The following COL14A1 variants were observed in gnomAD, a reference collection of about 807,000 sequenced individuals.
COL14A1 encodes the protein collagen alpha-1(XIV) chain.
A neutral mutation model predicts 230.3 loss-of-function variants in COL14A1; 136 were observed. The ratio of observed to expected loss-of-function variants is 0.59; its 90% CI spans 0.51 to 0.68. The LOEUF is 0.68. COL14A1 is among the 30% of genes least tolerant of loss of function. The probability of loss-of-function intolerance (pLI) is 0.00; values close to 1 mark genes in which losing one functional copy is unlikely to be tolerated. For missense variants in COL14A1, 1,976 were observed against 2,215.8 expected (o/e 0.89, Z 2.17); for synonymous variants, 792 against 784.1 (o/e 1.01, Z -0.17).
chr8:120,180,701 CTTTTTTTTT>C (rs34377563), intron 5 of COL14A1, among the ~76,000 whole-genome samples: 1 of 83,538 alleles, frequency 1.2e-5, no homozygotes, highest in Non-Finnish European at 2.1e-5. Context: ...GGTAGGAAGC[CTTTTTTTTT>C]TTTTTTTTTT....
intron 17 of COL14A1, 124 bp downstream of exon 17, chr8:120,227,476 G>T (rs749955940): frequency 2.5e-6 from 3 of 1,218,160 alleles, no homozygotes; most frequent in Admixed American, 2.3e-5. Flanking sequence ...TTGTCCCCCA[G>T]AATTCTTCAT....
intron 36 of COL14A1, among the ~76,000 whole-genome samples, chr8:120,308,249 T>TG (rs1185595663): frequency 6.6e-6 from 1 of 152,258 alleles, no homozygotes; most frequent in African/African-American, 2.4e-5. Context: ...CCCAAAGTGC[T>TG]GGGATTACAG....
chr8:120,283,814 A>G, intron 32 of COL14A1, 36 bp downstream of exon 32: 1 of 1,561,768 alleles, frequency 6.4e-7, no homozygotes, highest in Non-Finnish European at 8.7e-7. Flanking sequence ...TCACATATAC[A>G]TGTATGAGTA....
chr8:120,162,071 A>C (rs1303690063), intron 3 of COL14A1, among the ~76,000 whole-genome samples: 2 of 152,246 alleles, frequency 1.3e-5, no homozygotes, highest in Non-Finnish European at 2.9e-5. Flanking sequence ...ATATAAAAGC[A>C]GTAGTGTGTT....
chr8:120,332,804 A>G (rs1821917694), intron 42 of COL14A1, 69 bp downstream of exon 42: 1 of 1,274,468 alleles, frequency 7.8e-7, no homozygotes, highest in South Asian at 1.3e-5. Context: ...GTTTAAATTT[A>G]CCAGCCTTTC....
chr8:120,332,849 T>C, intron 42 of COL14A1, 114 bp downstream of exon 42: 1 of 736,794 alleles, frequency 1.4e-6, no homozygotes, highest in Non-Finnish European at 2.1e-6. Flanking sequence ...CACTGGACTC[T>C]ATGGAAATTC....
In COL14A1 at chr8:120,202,989, AATAT is replaced by A. The variant is rs201356550; in HGVS notation, c.878-691_878-688del. Among the ~76,000 whole-genome samples the A allele has an allele frequency of 6.6e-3, 701 of 106,536 alleles. 11 individuals carry two copies. The highest frequency in any genetic ancestry group is 0.017 in the African/African-American group (538 of 31,160). The allele number at this position is 106,536 out of a possible 152,430, so 69.9% of individuals were successfully genotyped here. A position where few individuals can be genotyped will look rare whatever the true frequency, so the allele number is the denominator to read the frequency against. ...ATGCTATACAATAATAATAATTTCA[AATAT>A]ATATATATATATATATATATATATA... On this transcript the variant is annotated intron_variant, in intron 8 of 47. Coordinates refer to ENST00000297848, the MANE Select transcript of COL14A1 (RefSeq NM_021110.4).
At position 120,367,266 on chromosome 8, in the gene COL14A1, A is replaced by T. The variant is rs766136591; in HGVS notation, c.5155+18A>T. On this transcript the variant is annotated intron_variant, in intron 46 of 47. Coordinates refer to ENST00000297848, the MANE Select transcript of COL14A1 (RefSeq NM_021110.4). ...ACCAGCAGGTAAATCTTCCTTCCTA[A>T]CAAGAGACTGCAAATGTATATTTTT... 2 of 1,583,932 alleles carry T rather than the reference A, an allele frequency of 1.3e-6. No homozygotes were observed. The highest frequency in any genetic ancestry group is 2.3e-5 in the South Asian group (2 of 87,540).
Position 120,206,953 on chromosome 8 carries a change from T to C in COL14A1, c.1050T>C (p.His350=). 6.2e-7 allele frequency: 1 copy of C among 1,609,718 alleles called. No homozygotes were observed. Among genetic ancestry groups the C allele is most frequent in the Non-Finnish European group, 8.5e-7 (1 of 1,178,842 alleles). ...GTTTTTTTAATTTAGCCTCAGCCCATGCCATCACTGGGCCGCCTACGGAGT... is the reference window on the plus strand; with the variant it reads ...GTTTTTTTAATTTAGCCTCAGCCCACGCCATCACTGGGCCGCCTACGGAGT... ...EQDREIKASA[H]AITGPPTELI... Residue 350 remains histidine, a synonymous_variant, in exon 10 of 48, where the codon CAT becomes CAC. Transcript: ENST00000297848.
chr8:120,369,336 C>T lies in COL14A1; in HGVS notation c.5162C>T (p.Ser1721Leu). Residue 1721 changes from serine (S) to leucine (L), a missense_variant, in exon 47 of 48, where the codon TCA (serine) becomes TTA (leucine). This residue lies in a region of COL14A1 where 1,791 missense variants were observed against 2,019.5 expected (regional missense o/e 0.89). Transcript: ENST00000297848. ...ATCTGTGGGTACTTCTTAGGACCTT[C>T]AGGGGAGAGTCGGCCTGGCAGCCCT... ...PRGPPGPAGP[S>L]GESRPGSPGP... 1 of 1,583,038 alleles carries T rather than the reference C, an allele frequency of 6.3e-7. No individual in the cohort carries two copies. Among genetic ancestry groups the T allele is most frequent in the Non-Finnish European group, 8.6e-7 (1 of 1,165,702 alleles).
At chr8:120,312,440 T>G (rs1208134397) in intron 37 of COL14A1, among the ~76,000 whole-genome samples, 1 of 152,198 alleles carries the variant, frequency 6.6e-6, no homozygotes, top group Non-Finnish European at 1.5e-5. Context: ...AATCAAACAC[T>G]TCTTTGTTTG....
intron 7 of COL14A1, among the ~76,000 whole-genome samples, chr8:120,198,380 C>A (rs186809913): frequency 1.3e-5 from 2 of 152,246 alleles, no homozygotes; most frequent in East Asian, 1.9e-4. Flanking sequence ...AAGATCCTCT[C>A]TTTTCATAAT....
At chr8:120,250,866 G>C in intron 22 of COL14A1, 100 bp downstream of exon 22, 2 of 1,364,266 alleles carry the variant, frequency 1.5e-6, no homozygotes, top group Non-Finnish European at 1.0e-6. Flanking sequence ...GGAGTGCGCT[G>C]GTGCGATCTG....
chr8:120,302,324 C>T (rs1459071021), intron 36 of COL14A1, among the ~76,000 whole-genome samples: 1 of 102,756 alleles, frequency 9.7e-6, no homozygotes, highest in Non-Finnish European at 1.8e-5. Context: ...GTGCCTATGT[C>T]CTGAAAATGG....
Position 120,257,563 on chromosome 8 carries a change from A to T in COL14A1, c.2869+2207A>T, listed in dbSNP as rs540340325. Among the ~76,000 whole-genome samples, 275 of 152,292 alleles carry T rather than the reference A, an allele frequency of 1.8e-3. 4 individuals are homozygous for T. The highest frequency in any genetic ancestry group is 1.7e-3 in the East Asian group (9 of 5,190). On this transcript the variant is annotated intron_variant, in intron 23 of 47. Coordinates refer to ENST00000297848, the MANE Select transcript of COL14A1 (RefSeq NM_021110.4). The stretch of plus-strand genomic sequence containing the variant: ...GAGAAGAATTAGGTTGAGTTTCATT[A>T]TCTTATAGGGGAATGTGTTCACCAT...
intron 13 of COL14A1, among the ~76,000 whole-genome samples, chr8:120,216,120 C>G (rs1429803865): frequency 2.0e-5 from 3 of 152,050 alleles, no homozygotes; most frequent in African/African-American, 4.8e-5. Context: ...TATTTCTAAC[C>G]ATGTGTAACT....
chr8:120,298,638 T>TATATATATATATATAC (rs398009611), intron 35 of COL14A1, among the ~76,000 whole-genome samples: 3 of 118,918 alleles, frequency 2.5e-5, no homozygotes, highest in Admixed American at 8.4e-5. Context: ...TATATATATA[T>TATATATATATATATAC]ACAAAAATAC....
At chr8:120,286,629 C>T (rs1820212919) in intron 33 of COL14A1, among the ~76,000 whole-genome samples, 2 of 152,154 alleles carry the variant, frequency 1.3e-5, no homozygotes, top group African/African-American at 4.8e-5. Context: ...CCTGCCTCAG[C>T]CTCCCGAGGA....
chr8:120,219,886 A>G (rs1215344706), intron 14 of COL14A1, among the ~76,000 whole-genome samples: 1 of 152,158 alleles, frequency 6.6e-6, no homozygotes, highest in African/African-American at 2.4e-5. Context: ...AACTTAAAAT[A>G]TGAGAAAATG....
Sources: allele counts gnomAD v4.1 joint callset (sites outside exome capture counted in the v4.1 genomes callset), GRCh38; gene constraint gnomAD v4.1.1; regional missense constraint gnomAD v4.1.1; transcripts MANE v1.5; gene names NCBI Gene and HGNC (gene_info 2026-07-23, HGNC 2026-07-21).